Variants in CC2D1A observed in about 807,000 individuals in gnomAD.
CC2D1A encodes the protein coiled-coil and C2 domain-containing protein 1A.
In CC2D1A, 68 loss-of-function variants were observed where a neutral mutation model predicts 123.8. The observed-to-expected ratio is 0.55, with a 90% CI of 0.45 to 0.67. The LOEUF (loss-of-function observed/expected upper bound fraction) is 0.67. Ranked by LOEUF, CC2D1A falls within the 30% of genes least tolerant of loss-of-function variation. CC2D1A has a pLI of 0.00. For missense variants in CC2D1A, 1,185 were observed against 1,290.3 expected, an observed-to-expected ratio of 0.92 and a Z score of 1.25; for synonymous variants, 477 against 528.0, an observed-to-expected ratio of 0.90 and a Z score of 1.32.
rs760211008 is a variant in CC2D1A, at chr19:13,930,437, G to T, written c.*42G>T. 6.4e-7 allele frequency: 1 copy of T among 1,566,020 alleles called. No homozygotes were observed. The highest frequency in any genetic ancestry group is 8.6e-7 in the Non-Finnish European group (1 of 1,157,700). ...GCAGCCCCCAGAAAGCGGGCAGCAG[G>T]CCCCGATACCGGGAAGAGCCGACAC... On this transcript the variant is annotated 3_prime_UTR_variant, in exon 29 of 29. Transcript: ENST00000318003. The surrounding 1 kb of genome is among the most constrained non-coding windows in gnomAD (Gnocchi z 6.8).
intron 6 of CC2D1A, among the ~76,000 whole-genome samples, chr19:13,917,107 G>T (rs1006085345): frequency 1.3e-5 from 2 of 152,218 alleles, no homozygotes. Context: ...ATAAATTTCT[G>T]TGGGGGACGT....
chr19:13,926,451 CG>C, intron 17 of CC2D1A, 65 bp from the exon 18 acceptor site: 1 of 1,458,126 alleles, frequency 6.9e-7, no homozygotes. Context: ...AGAAGGCAGG[CG>C]GGCAGTGGGA....
At position 13,906,555 on chromosome 19, in the gene CC2D1A, C is replaced by A; in HGVS notation, c.60+54C>A. 1 of 1,257,948 alleles carries A rather than the reference C, an allele frequency of 7.9e-7. No individual in the cohort carries two copies. The highest frequency in any genetic ancestry group is 1.1e-6 in the Non-Finnish European group (1 of 947,456). The allele number at this position is 1,257,948 out of a possible 1,614,324, so 77.9% of individuals were successfully genotyped here. A position where few individuals can be genotyped will look rare whatever the true frequency, so the allele number is the denominator to read the frequency against. Reference sequence around the variant, plus strand: ...GGGATCCCTCCCCACCCCCGTCACTCGCTCAGGGAAGGGCCCCACCCCCCA... The same window carrying A: ...GGGATCCCTCCCCACCCCCGTCACTAGCTCAGGGAAGGGCCCCACCCCCCA... On this transcript the variant is annotated intron_variant, in intron 1 of 28. Coordinates refer to ENST00000318003, the MANE Select transcript of CC2D1A (RefSeq NM_017721.5). This position sits in a 1 kb window ranked among gnomAD's most constrained non-coding sequence, Gnocchi z 4.1.
rs768458712 is a variant in CC2D1A at position 13,923,713 on chromosome 19, G to A, written c.1842G>A (p.Glu614=). The A allele has an allele frequency of 6.2e-7, 1 of 1,614,190 alleles. No homozygotes were observed. Among genetic ancestry groups the A allele is most frequent in the Non-Finnish European group, 8.5e-7 (1 of 1,180,014 alleles). The change falls in exon 17 of 29, where the codon GAG becomes GAA. Residue 614 remains glutamate (E), a synonymous_variant. Transcript: ENST00000318003. The surrounding 1 kb of genome is among the most constrained non-coding windows in gnomAD (Gnocchi z 5.3). ...CCGGCAGGTTTGAAAAGTTGGCGGA[G>A]GACTGTAAGCGGAGCATGGACATTC... ...TETTKFEKLA[E]DCKRSMDILK...
chr19:13,916,640 T>A (rs989737355), intron 6 of CC2D1A, among the ~76,000 whole-genome samples: 15 of 152,148 alleles, frequency 9.9e-5, no homozygotes, highest in African/African-American at 3.6e-4. Context: ...ATAACAATAA[T>A]TCAACCCGGA....
rs779076857 is a variant in CC2D1A, at chr19:13,926,846, G to A, written c.2099G>A (p.Ser700Asn). Residue 700 changes from serine (S) to asparagine (N), a missense_variant, in exon 20 of 29, where the codon AGT becomes AAT. Physicochemically the swap from Ser to Asn is conservative, Grantham distance 46. Transcript: ENST00000318003. ...NVEEAQKDKT[S>N]VIKNTDSPEF... The stretch of plus-strand genomic sequence containing the variant: ...GAAGAAGCTCAGAAAGACAAGACCA[G>A]TGTGATCAAGAACACAGACTCCCCT... 2.5e-6 allele frequency: 4 copies of A among 1,613,988 alleles called. No homozygotes were observed. The African/African-American group carries it at 5.3e-5, about 22-fold the overall frequency.
chr19:13,913,650 G>C lies in CC2D1A; in HGVS notation c.748+12G>C. ...CCAGATGCCCCCAGGTAGGTGATGG[G>C]CAGGGCCGGGCTGATATGGGATCCG... On this transcript the variant is annotated intron_variant, in intron 6 of 28. Transcript: ENST00000318003. The C allele has an allele frequency of 1.3e-6, 2 of 1,575,460 alleles. No homozygotes were observed. Among genetic ancestry groups the C allele is most frequent in the Non-Finnish European group, 1.7e-6 (2 of 1,157,434 alleles).
At chr19:13,910,807 A>T (rs191564674) in intron 2 of CC2D1A, among the ~76,000 whole-genome samples, 10 of 152,278 alleles carry the variant, frequency 6.6e-5, no homozygotes, top group Admixed American at 6.5e-4. Flanking sequence ...GCTACTTGGG[A>T]GGCTGAGGCA....
At chr19:13,922,753 C>CA (rs1971451985) in intron 14 of CC2D1A, among the ~76,000 whole-genome samples, 1 of 152,024 alleles carries the variant, frequency 6.6e-6, no homozygotes. Context: ...CATGATTTCT[C>CA]AAACTCTTGA....
chr19:13,912,600 T>A lies in CC2D1A; in HGVS notation c.378+7T>A, dbSNP rs536025767. 5.6e-6 allele frequency: 9 copies of A among 1,613,604 alleles called. No homozygotes were observed. Among genetic ancestry groups the A allele is most frequent in the African/African-American group, 4.0e-5 (3 of 74,990 alleles). ...CCCACCTCCTGTGGCCCAGGTACAG[T>A]TTGGATGACTCCACTCCCTTGAACC... On this transcript the variant is annotated splice_region_variant and intron_variant, in intron 4 of 28. Transcript: ENST00000318003.
Position 13,906,521 on chromosome 19 carries a change from C to T in CC2D1A, c.60+20C>T. ...CGCCAGGTGAGTTTGCGCCCCACGG[C>T]CCGACCTGGGGATCCCTCCCCACCC... On this transcript the variant is annotated intron_variant, in intron 1 of 28. Coordinates refer to ENST00000318003, the MANE Select transcript of CC2D1A (RefSeq NM_017721.5). The surrounding 1 kb of genome is among the most constrained non-coding windows in gnomAD (Gnocchi z 4.1). 1.4e-6 allele frequency: 2 copies of T among 1,467,004 alleles called. No individual in the cohort carries two copies. Among genetic ancestry groups the T allele is most frequent in the Non-Finnish European group, 1.8e-6 (2 of 1,112,162 alleles). 90.9% of individuals were successfully genotyped at this position (1,467,004 alleles called of 1,614,324 possible).
At chr19:13,919,256 C>A in intron 11 of CC2D1A, 54 bp downstream of exon 11, 1 of 1,417,698 alleles carries the variant, frequency 7.1e-7, no homozygotes. Flanking sequence ...CCGTAGGCCC[C>A]GCCCCCAGAG....
intron 1 of CC2D1A, among the ~76,000 whole-genome samples, chr19:13,907,367 C>A (rs75668881): frequency 6.6e-6 from 1 of 152,070 alleles, no homozygotes; most frequent in South Asian, 2.1e-4. Flanking sequence ...GCTATGATTG[C>A]GCTACTTCTG....
chr19:13,926,073 C>T (rs1971629074), intron 17 of CC2D1A, among the ~76,000 whole-genome samples: 2 of 102,648 alleles, frequency 1.9e-5, no homozygotes, highest in African/African-American at 4.4e-5. Context: ...TATACACACA[C>T]ACACACACAC....
chr19:13,912,273 G>A, intron 2 of CC2D1A, 50 bp from the exon 3 acceptor site: 1 of 1,526,192 alleles, frequency 6.6e-7, no homozygotes, highest in South Asian at 1.2e-5. Flanking sequence ...GGGAAATGGG[G>A]GCTCTTGGTG....
Position 13,927,380 on chromosome 19 carries a change from C to G in CC2D1A, c.2316+115C>G, listed in dbSNP as rs1231083165. ...AGCCTGTCTGTTGACCCAGCCCCTC[C>G]CCTCAGAGCCTCAGACCTCCCTACT... is the stretch of plus-strand genomic sequence containing the variant. On this transcript the variant is annotated intron_variant, in intron 22 of 28. Transcript: ENST00000318003. 3 of 822,096 alleles carry G rather than the reference C, an allele frequency of 3.6e-6. No homozygotes were observed. The East Asian group carries it at 7.9e-5, about 22-fold the overall frequency. The allele number at this position is 822,096 out of a possible 1,614,324, so 50.9% of individuals were successfully genotyped here. A position where few individuals can be genotyped will look rare whatever the true frequency, so the allele number is the denominator to read the frequency against.
rs1351594717 is a variant in CC2D1A, at chr19:13,918,980, G to A, written c.1087G>A (p.Ala363Thr). The A allele has an allele frequency of 9.9e-6, 16 of 1,608,800 alleles. No individual in the cohort carries two copies. The highest frequency in any genetic ancestry group is 1.4e-5 in the Non-Finnish European group (16 of 1,177,614). ...EQRMERYQVAAAQAKSKGDQR... is the reference protein window; with the variant it reads ...EQRMERYQVATAQAKSKGDQR... ...GCGGATGGAGCGGTACCAGGTGGCC[G>A]CAGCCCAGGCCAAGAGCAAGGGGGA... Residue 363 changes from alanine to threonine, a missense_variant, in exon 10 of 29, where the codon GCA becomes ACA. By Grantham distance (58) the Ala-to-Thr change is moderately conservative (BLOSUM62 0). Coordinates refer to ENST00000318003, the MANE Select transcript of CC2D1A (RefSeq NM_017721.5).
In CC2D1A at chr19:13,927,932, G is replaced by T; in HGVS notation, c.2356G>T (p.Val786Leu). 2 of 1,613,706 alleles carry T rather than the reference G, an allele frequency of 1.2e-6. No homozygotes were observed. The highest frequency in any genetic ancestry group is 1.7e-6 in the Non-Finnish European group (2 of 1,179,986). The change falls in exon 23 of 29, where the codon GTA becomes TTA. Residue 786 changes from valine to leucine, a missense_variant. Coordinates refer to ENST00000318003, the MANE Select transcript of CC2D1A (RefSeq NM_017721.5). ...CCGGCCCACAGGGGGGCGACTGGAGGTAATGGTCCGGATTCGGGAGCCACT... is the reference window on the plus strand; with the variant it reads ...CCGGCCCACAGGGGGGCGACTGGAGTTAATGGTCCGGATTCGGGAGCCACT... ...GRRPTGGRLE[V>L]MVRIREPLTA... is the part of the protein sequence containing the mutation.
intron 12 of CC2D1A, 113 bp downstream of exon 12, chr19:13,920,064 C>G (rs539013376): frequency 3.2e-5 from 35 of 1,099,250 alleles, no homozygotes; most frequent in African/African-American, 6.5e-5. Flanking sequence ...CTGGGCCACA[C>G]AGTGAGACCC....
Sources: gnomAD v4.1 joint callset for allele counts (sites outside exome capture counted in the v4.1 genomes callset) on GRCh38, gnomAD v4.1.1 for gene constraint, Gnocchi (gnomAD v3.1) non-coding constraint, MANE v1.5 for transcripts, NCBI Gene and HGNC (gene_info 2026-07-23, HGNC 2026-07-21) for gene names.